SPOCK1: variants seen among roughly 807,000 people sequenced by gnomAD.
SPOCK1 encodes testican-1.
In SPOCK1, 23 loss-of-function variants were observed where a neutral mutation model predicts 55.3. The observed-to-expected ratio is 0.42, with a 90% CI of 0.30 to 0.59. The LOEUF (loss-of-function observed/expected upper bound fraction) is 0.59, where lower values mean the gene tolerates loss of function less well. Ranked by LOEUF, SPOCK1 falls within the 20% of genes least tolerant of loss-of-function variation. The pLI is 0.22. For synonymous variants in SPOCK1, 226 were observed against 221.0 expected (o/e 1.02, Z -0.20); for missense variants, 499 against 552.5 (o/e 0.90, Z 0.97).
chr5:137,331,688 C>A (rs898014287), intron 2 of SPOCK1, among the ~76,000 whole-genome samples: 1 of 152,054 alleles, frequency 6.6e-6, no homozygotes, highest in African/African-American at 2.4e-5. Context: ...TCTAAACAAC[C>A]AGGTCTTGGT....
intron 2 of SPOCK1, among the ~76,000 whole-genome samples, chr5:137,453,380 A>C (rs565930703): frequency 6.1e-4 from 93 of 152,316 alleles, no homozygotes; most frequent in Admixed American, 2.0e-3. Flanking sequence ...GGGTAGCTAC[A>C]GGAAAGAAAA....
intron 4 of SPOCK1, among the ~76,000 whole-genome samples, chr5:137,127,463 C>T (rs1220074785): frequency 6.6e-6 from 1 of 152,220 alleles, no homozygotes; most frequent in Non-Finnish European, 1.5e-5. Context: ...GCCGTGGGGG[C>T]AACACAGCCA....
chr5:137,062,561 A>AATAATAAT (rs1224123655), intron 6 of SPOCK1, among the ~76,000 whole-genome samples: 3 of 121,074 alleles, frequency 2.5e-5, no homozygotes, highest in African/African-American at 9.6e-5. Flanking sequence ...ATAATAATAA[A>AATAATAAT]GACAGCACCT....
At chr5:137,310,047 C>A (rs928587441) in intron 2 of SPOCK1, among the ~76,000 whole-genome samples, 1 of 152,062 alleles carries the variant, frequency 6.6e-6, no homozygotes, top group Non-Finnish European at 1.5e-5. Flanking sequence ...CTAAAGAGAG[C>A]ATAGACTTTC....
chr5:137,389,868 C>T (rs1383807498), intron 2 of SPOCK1, among the ~76,000 whole-genome samples: 1 of 152,148 alleles, frequency 6.6e-6, no homozygotes, highest in African/African-American at 2.4e-5. Context: ...AAATCCTAGG[C>T]TACTAACAAT....
At chr5:137,440,079 C>A (rs946153917) in intron 2 of SPOCK1, among the ~76,000 whole-genome samples, 54 of 151,302 alleles carry the variant, frequency 3.6e-4, no homozygotes, top group African/African-American at 1.2e-3. Flanking sequence ...AAAGACTCTG[C>A]AGGGAGGGGG....
chr5:137,149,084 G>A (rs774788006), intron 3 of SPOCK1, among the ~76,000 whole-genome samples: 7 of 152,174 alleles, frequency 4.6e-5, no homozygotes, highest in Non-Finnish European at 1.0e-4. Context: ...ACAAAAGTGC[G>A]AGCTGCTTTT....
intron 2 of SPOCK1, among the ~76,000 whole-genome samples, chr5:137,450,496 T>A (rs1753232362): frequency 6.6e-6 from 1 of 152,176 alleles, no homozygotes; most frequent in Admixed American, 6.5e-5. Flanking sequence ...TCCAGCTCAA[T>A]CAGGGCTGAC....
intron 6 of SPOCK1, among the ~76,000 whole-genome samples, chr5:137,050,458 T>C (rs1402441877): frequency 6.6e-6 from 1 of 150,800 alleles, no homozygotes; most frequent in East Asian, 2.0e-4. Context: ...CCCTGACCCC[T>C]TGGGCTTCCC....
intron 4 of SPOCK1, among the ~76,000 whole-genome samples, chr5:137,131,863 T>A (rs1753885677): frequency 1.4e-5 from 2 of 146,214 alleles, no homozygotes; most frequent in South Asian, 4.4e-4. Context: ...TCCCAGCTAC[T>A]CGGGAGGCTG....
chr5:137,291,033 TG>T (rs1284970116), intron 2 of SPOCK1, among the ~76,000 whole-genome samples: 1 of 152,224 alleles, frequency 6.6e-6, no homozygotes, highest in Non-Finnish European at 1.5e-5. Context: ...ATTTGGGGGT[TG>T]GCCTGAGGAC....
chr5:137,023,296 G>A (rs1404475142), intron 6 of SPOCK1, among the ~76,000 whole-genome samples: 1 of 152,188 alleles, frequency 6.6e-6, no homozygotes, highest in Non-Finnish European at 1.5e-5. Flanking sequence ...TGGATAAAGT[G>A]ACTTATTTTG....
chr5:137,310,717 T>C (rs1328317941), intron 2 of SPOCK1, among the ~76,000 whole-genome samples: 2 of 152,228 alleles, frequency 1.3e-5, no homozygotes, highest in Non-Finnish European at 2.9e-5. Context: ...AGGATGGACC[T>C]CATCATTAAT....
intron 6 of SPOCK1, among the ~76,000 whole-genome samples, chr5:137,037,688 G>A (rs1751910291): frequency 6.6e-6 from 1 of 152,054 alleles, no homozygotes; most frequent in Non-Finnish European, 1.5e-5. Flanking sequence ...TGTATTCCTT[G>A]AACTCATGGG....
chr5:137,098,000 G>C (rs1486586092), intron 5 of SPOCK1, among the ~76,000 whole-genome samples: 1 of 152,180 alleles, frequency 6.6e-6, no homozygotes, highest in Admixed American at 6.5e-5. Context: ...TGGGCCAATG[G>C]AGCTAGGGGG....
At chr5:137,282,214 G>A (rs984939329) in intron 2 of SPOCK1, among the ~76,000 whole-genome samples, 2 of 152,128 alleles carry the variant, frequency 1.3e-5, no homozygotes, top group Non-Finnish European at 2.9e-5. Flanking sequence ...AAAATATACC[G>A]CTACTTTCCT....
At chr5:137,163,270 G>A (rs1373198023) in intron 3 of SPOCK1, among the ~76,000 whole-genome samples, 1 of 152,184 alleles carries the variant, frequency 6.6e-6, no homozygotes, top group Non-Finnish European at 1.5e-5. Flanking sequence ...AAAATCCCCT[G>A]CTGCCACAGG....
rs528420116 is a variant in SPOCK1 at position 137,212,947 on chromosome 5, T to C, written c.232+54063A>G. Among the ~76,000 whole-genome samples the C allele has an allele frequency of 5.3e-5, 8 of 152,302 alleles. No individual in the cohort carries two copies. The East Asian group carries it at 1.5e-3, about 29-fold the overall frequency. ...TGACCTCCCAGACTCAAGCTGCTGCTGACCAGGGGGCAGGTGCTCAGCCAG... is the reference window on the plus strand; with the variant it reads ...TGACCTCCCAGACTCAAGCTGCTGCCGACCAGGGGGCAGGTGCTCAGCCAG... On this transcript the variant is annotated intron_variant, in intron 3 of 10. Transcript: ENST00000394945.
intron 2 of SPOCK1, among the ~76,000 whole-genome samples, chr5:137,418,596 A>C (rs551471664): frequency 6.6e-6 from 1 of 152,194 alleles, no homozygotes; most frequent in Admixed American, 6.5e-5. Flanking sequence ...GGCTGCATGA[A>C]TGTCTTTTTT....
Sources: allele counts gnomAD v4.1 joint callset (sites outside exome capture counted in the v4.1 genomes callset), GRCh38; gene constraint gnomAD v4.1.1; transcripts MANE v1.5; gene names NCBI Gene and HGNC (gene_info 2026-07-23, HGNC 2026-07-21).